PLEKHA8: variants seen among roughly 807,000 people sequenced by gnomAD.
The protein encoded by PLEKHA8 is pleckstrin homology domain-containing family A member 8.
PLEKHA8 carries 36 observed loss-of-function variants against 68.2 expected under a neutral mutation model. The ratio of observed to expected loss-of-function variants is 0.53; its 90% CI spans 0.40 to 0.70. The LOEUF (loss-of-function observed/expected upper bound fraction) is 0.70. PLEKHA8 is among the 30% of genes least tolerant of loss of function. PLEKHA8 has a pLI of 0.00. For missense variants in PLEKHA8, 505 were observed against 615.4 expected (o/e 0.82, Z 1.90); for synonymous variants, 211 against 216.1 (o/e 0.98, Z 0.20).
rs574306966 is a variant in PLEKHA8 at position 30,045,730 on chromosome 7, C to T, written c.158-480C>T. Among the ~76,000 whole-genome samples, 8 of 152,304 alleles carry T rather than the reference C, an allele frequency of 5.3e-5. No individual in the cohort carries two copies. In the South Asian group the frequency reaches 8.3e-4, roughly 16 times the overall value. On this transcript the variant is annotated intron_variant, in intron 2 of 13. Coordinates refer to ENST00000449726, the MANE Select transcript of PLEKHA8 (RefSeq NM_001197026.2). ...GACTTTGGTTTGCTTGTTTCTTCTC[C>T]TAAAGGCCTCTGAGAAAATTCTCAC...
At chr7:30,075,562 C>G (rs1382426435) in intron 13 of PLEKHA8, among the ~76,000 whole-genome samples, 1 of 152,306 alleles carries the variant, frequency 6.6e-6, no homozygotes, top group Middle Eastern at 3.4e-3. Flanking sequence ...GTGCTTACCT[C>G]CATTAGAGCT....
intron 13 of PLEKHA8, among the ~76,000 whole-genome samples, chr7:30,128,346 A>G (rs545822720): frequency 1.3e-5 from 2 of 152,222 alleles, no homozygotes; most frequent in African/African-American, 2.4e-5. Flanking sequence ...AGCTCAAGCA[A>G]TCCTCCTGCT....
intron 1 of PLEKHA8, among the ~76,000 whole-genome samples, chr7:30,035,148 A>G (rs1195050446): frequency 6.6e-6 from 1 of 152,146 alleles, no homozygotes; most frequent in African/African-American, 2.4e-5. Context: ...CTTAAGTGTA[A>G]AAGGTTGGAG....
intron 1 of PLEKHA8, among the ~76,000 whole-genome samples, chr7:30,030,546 G>A (rs1324269354): frequency 6.6e-6 from 1 of 152,188 alleles, no homozygotes; most frequent in Non-Finnish European, 1.5e-5. Context: ...GCTGTGAGTG[G>A]TGCTAGGGTG....
intron 1 of PLEKHA8, among the ~76,000 whole-genome samples, chr7:30,033,068 A>G (rs1790785439): frequency 6.6e-6 from 1 of 152,262 alleles, no homozygotes; most frequent in African/African-American, 2.4e-5. Flanking sequence ...AGTACCAGGA[A>G]GACATCTGGA....
chr7:30,104,323 T>C (rs952512068), intron 13 of PLEKHA8, among the ~76,000 whole-genome samples: 2 of 152,220 alleles, frequency 1.3e-5, no homozygotes, highest in Admixed American at 6.5e-5. Flanking sequence ...CTGCTAGGTA[T>C]TTTTGCAAGA....
At chr7:30,115,571 T>C (rs13311324) in intron 13 of PLEKHA8, among the ~76,000 whole-genome samples, 37 of 50,472 alleles carry the variant, frequency 7.3e-4, no homozygotes, top group South Asian at 1.6e-3. Context: ...GACATATGTA[T>C]ACATGCACGT....
chr7:30,041,610 G>C (rs1278550728), intron 1 of PLEKHA8, among the ~76,000 whole-genome samples: 1 of 151,868 alleles, frequency 6.6e-6, no homozygotes, highest in Non-Finnish European at 1.5e-5. Context: ...GACTAGGCTG[G>C]TTTTGAACTC....
At chr7:30,109,422 A>G (rs1356870324) in intron 13 of PLEKHA8, among the ~76,000 whole-genome samples, 1 of 151,754 alleles carries the variant, frequency 6.6e-6, no homozygotes, top group Non-Finnish European at 1.5e-5. Context: ...CCCTCTTTCT[A>G]CAAAAAATAC....
chr7:30,080,180 A>G lies in PLEKHA8; in HGVS notation c.*1393A>G, dbSNP rs1394028857. On this transcript the variant is annotated 3_prime_UTR_variant, in exon 14 of 14. Transcript: ENST00000449726. ...GTTGAAAGATGAGACTTAAGAAAAC[A>G]GTTTCTTAAACTTCTTAAAACTTAA... The G allele has an allele frequency of 1.0e-6, 1 of 984,922 alleles. No individual in the cohort carries two copies. Among genetic ancestry groups the G allele is most frequent in the Non-Finnish European group, 1.2e-6 (1 of 829,584 alleles). The allele number at this position is 984,922 out of a possible 1,614,324, so 61.0% of individuals were successfully genotyped here. A position where few individuals can be genotyped will look rare whatever the true frequency, so the allele number is the denominator to read the frequency against.
At chr7:30,068,284 T>C (rs1275074241) in intron 12 of PLEKHA8, among the ~76,000 whole-genome samples, 1 of 152,252 alleles carries the variant, frequency 6.6e-6, no homozygotes, top group East Asian at 1.9e-4. Context: ...ACAATTGGAA[T>C]GGCTGAACCA....
intron 8 of PLEKHA8, 151 bp downstream of exon 8, chr7:30,055,016 C>A: frequency 1.2e-6 from 1 of 847,918 alleles, no homozygotes; most frequent in Non-Finnish European, 1.8e-6. Flanking sequence ...CTCTTTCTTA[C>A]CAATGAATAA....
intron 12 of PLEKHA8, among the ~76,000 whole-genome samples, chr7:30,073,394 C>T (rs777418109): frequency 7.2e-5 from 11 of 151,916 alleles, no homozygotes; most frequent in South Asian, 2.1e-4. Flanking sequence ...GACTGGCTCA[C>T]GGTCACAGAA....
At chr7:30,095,468 T>C (rs1414853072), downstream of PLEKHA8, among the ~76,000 whole-genome samples, 2 of 152,264 alleles carry the variant, frequency 1.3e-5, no homozygotes, top group Non-Finnish European at 2.9e-5. Context: ...TCTCCCATTC[T>C]GTAGGTTGCC....
intron 13 of PLEKHA8, among the ~76,000 whole-genome samples, chr7:30,121,607 C>T (rs375942817): frequency 1.3e-5 from 2 of 151,660 alleles, no homozygotes; most frequent in Admixed American, 6.6e-5. Context: ...CCAGCCTGGG[C>T]GACAGAGCGA....
At chr7:30,062,229 T>C (rs1437566008) in intron 11 of PLEKHA8, among the ~76,000 whole-genome samples, 1 of 152,114 alleles carries the variant, frequency 6.6e-6, no homozygotes, top group African/African-American at 2.4e-5. Context: ...TTGATAAGTA[T>C]ATATAAGATA....
intron 13 of PLEKHA8, among the ~76,000 whole-genome samples, chr7:30,099,270 G>A (rs1022988328): frequency 1.6e-4 from 25 of 152,064 alleles, no homozygotes; most frequent in African/African-American, 4.8e-4. Context: ...GAATACCTGC[G>A]GTATCCAAGT....
intron 13 of PLEKHA8, chr7:30,115,859 C>T (rs1422912750): frequency 1.3e-5 from 2 of 149,306 alleles, no homozygotes; most frequent in South Asian, 2.1e-4. Flanking sequence ...TGCATACATA[C>T]GTGCACATAC....
chr7:30,115,713 C>T (rs542637841), intron 13 of PLEKHA8: 9 of 112,338 alleles, frequency 8.0e-5, no homozygotes, highest in Admixed American at 3.5e-4. Flanking sequence ...TGTATACATA[C>T]GCGCATGCAT....
Sources: allele counts gnomAD v4.1 joint callset (sites outside exome capture counted in the v4.1 genomes callset), GRCh38; gene constraint gnomAD v4.1.1; transcripts MANE v1.5; gene names NCBI Gene and HGNC (gene_info 2026-07-23, HGNC 2026-07-21).